The following CAMKK1 variants were observed in gnomAD, a reference collection of about 807,000 sequenced individuals.
CAMKK1 encodes calcium/calmodulin-dependent protein kinase kinase 1.
CAMKK1 carries 20 observed loss-of-function variants against 63.5 expected under a neutral mutation model. The observed-to-expected ratio is 0.32, with a 90% CI of 0.22 to 0.46. The LOEUF (loss-of-function observed/expected upper bound fraction) is 0.46. CAMKK1 is among the 20% of genes least tolerant of loss of function. The pLI, the probability that CAMKK1 is intolerant of heterozygous loss-of-function variation, is 1.00. For missense variants in CAMKK1, 588 were observed against 658.1 expected, an observed-to-expected ratio of 0.89 and a Z score of 1.17; for synonymous variants, 253 against 269.0, an observed-to-expected ratio of 0.94 and a Z score of 0.58.
chr17:3,882,912 C>T lies in CAMKK1; in HGVS notation c.648+130G>A. On this transcript the variant is annotated intron_variant, in intron 6 of 15. Coordinates refer to ENST00000348335, the MANE Select transcript of CAMKK1 (RefSeq NM_032294.3). This position sits in a 1 kb window ranked among gnomAD's most constrained non-coding sequence, Gnocchi z 4.3. Reference sequence around the variant, plus strand: ...AGCCCCACCCCAAGTCTGGCCCTGTCCTCAGAGGCCTCAGCCACATCTGCC... The same window carrying T: ...AGCCCCACCCCAAGTCTGGCCCTGTTCTCAGAGGCCTCAGCCACATCTGCC... The T allele has an allele frequency of 8.1e-7, 1 of 1,236,576 alleles. No individual in the cohort carries two copies. The highest frequency in any genetic ancestry group is 1.1e-6 in the Non-Finnish European group (1 of 888,696). The allele number at this position is 1,236,576 out of a possible 1,614,324, so 76.6% of individuals were successfully genotyped here.
chr17:3,871,676 G>A (rs1201945240), intron 12 of CAMKK1, among the ~76,000 whole-genome samples: 2 of 119,352 alleles, frequency 1.7e-5, no homozygotes, highest in Non-Finnish European at 3.5e-5. Context: ...TCTTTCTTCT[G>A]TTTTTTTTTT....
chr17:3,883,998 G>A lies in CAMKK1; in HGVS notation c.409-61C>T, dbSNP rs367983049. On this transcript the variant is annotated intron_variant, in intron 3 of 15. Coordinates refer to ENST00000348335, the MANE Select transcript of CAMKK1 (RefSeq NM_032294.3). The surrounding 1 kb of genome is among the most constrained non-coding windows in gnomAD (Gnocchi z 4.7). ...GGCAACCCCTCCCAGGACCAGCTCAGGAGGTGGGGAGCCGAGCAGCTCTGG... is the reference window on the plus strand; with the variant it reads ...GGCAACCCCTCCCAGGACCAGCTCAAGAGGTGGGGAGCCGAGCAGCTCTGG... 804 of 1,545,526 alleles carry A rather than the reference G, an allele frequency of 5.2e-4. No homozygotes were observed. Among genetic ancestry groups the A allele is most frequent in the Admixed American group, 8.9e-4 (53 of 59,430 alleles).
intron 10 of CAMKK1, among the ~76,000 whole-genome samples, chr17:3,875,385 G>A (rs1012569551): frequency 3.3e-5 from 5 of 152,016 alleles, no homozygotes; most frequent in African/African-American, 4.8e-5. Context: ...GGACTCAAGC[G>A]ATCCTCCCAC....
chr17:3,891,988 G>T (rs2143919620), intron 1 of CAMKK1, among the ~76,000 whole-genome samples: 1 of 152,244 alleles, frequency 6.6e-6, no homozygotes, highest in East Asian at 1.9e-4. Flanking sequence ...GAGTGTGTGC[G>T]CCTGGGACGC....
At chr17:3,871,600 C>T (rs1351697811) in intron 12 of CAMKK1, among the ~76,000 whole-genome samples, 3 of 149,436 alleles carry the variant, frequency 2.0e-5, no homozygotes, top group Non-Finnish European at 4.4e-5. Context: ...TCGTGATCCG[C>T]CCTCCTTGGC....
At chr17:3,874,179 G>T (rs1055568711) in intron 10 of CAMKK1, among the ~76,000 whole-genome samples, 1 of 152,136 alleles carries the variant, frequency 6.6e-6, no homozygotes, top group Admixed American at 6.6e-5. Flanking sequence ...ATAACAGGCT[G>T]GTTGTCTTCC....
In CAMKK1 at chr17:3,865,515, G is replaced by A. The variant is rs1438966464; in HGVS notation, c.1445+393C>T. ...AGCCTCCTACAGGAAGCCAACATCA[G>A]CCTGTCTGCAAACCTCTGCCAGGCT... On this transcript the variant is annotated intron_variant, in intron 15 of 15. Coordinates refer to ENST00000348335, the MANE Select transcript of CAMKK1 (RefSeq NM_032294.3). 5.8e-6 allele frequency: 6 copies of A among 1,026,290 alleles called. No individual in the cohort carries two copies. The South Asian group carries it at 2.0e-4, about 34-fold the overall frequency. The allele number at this position is 1,026,290 out of a possible 1,614,324, so 63.6% of individuals were successfully genotyped here.
Position 3,884,283 on chromosome 17 carries a change from C to A in CAMKK1, c.408+97G>T. The A allele has an allele frequency of 7.3e-7, 1 of 1,370,018 alleles. No homozygotes were observed. Among genetic ancestry groups the A allele is most frequent in the Non-Finnish European group, 1.0e-6 (1 of 964,492 alleles). 84.9% of individuals were successfully genotyped at this position (1,370,018 alleles called of 1,614,324 possible). A position where few individuals can be genotyped will look rare whatever the true frequency, so the allele number is the denominator to read the frequency against. On this transcript the variant is annotated intron_variant, in intron 3 of 15. Transcript: ENST00000348335. The surrounding 1 kb of genome is among the most constrained non-coding windows in gnomAD (Gnocchi z 4.5). ...GTCCTCACCTCCAGGCTAGGACTTG[C>A]CTGGCTCTGCCTCCCGTTCCCTCCC...
chr17:3,871,981 G>A (rs1010543325), intron 12 of CAMKK1, among the ~76,000 whole-genome samples: 2 of 152,190 alleles, frequency 1.3e-5, no homozygotes, highest in African/African-American at 4.8e-5. Flanking sequence ...CTGAAAAGAG[G>A]AGCCTGGGAG....
In CAMKK1 at chr17:3,885,319, C is replaced by T; in HGVS notation, c.360+9G>A. 6.3e-7 allele frequency: 1 copy of T among 1,576,134 alleles called. No homozygotes were observed. Among genetic ancestry groups the T allele is most frequent in the Non-Finnish European group, 8.6e-7 (1 of 1,158,294 alleles). ...GCTCATGAACAACCCCTCGTTCTGC[C>T]CCACCAACCTCTGCATCTGAGATGG... is the stretch of plus-strand genomic sequence containing the variant. On this transcript the variant is annotated intron_variant, in intron 2 of 15. Transcript: ENST00000348335.
In CAMKK1 at chr17:3,890,754, A is replaced by G. The variant is rs1323156890; in HGVS notation, c.-44+2185T>C. 1.3e-6 allele frequency: 1 copy of G among 779,766 alleles called. No individual in the cohort carries two copies. The highest frequency in any genetic ancestry group is 1.7e-5 in the African/African-American group (1 of 59,240). The allele number at this position is 779,766 out of a possible 1,614,324, so 48.3% of individuals were successfully genotyped here. Reference sequence around the variant, plus strand: ...ATACTCTGTTCTGCTGCCAGGCCTCAGTACAAGCTGTGCCTTCTGCCAGGA... The same window carrying G: ...ATACTCTGTTCTGCTGCCAGGCCTCGGTACAAGCTGTGCCTTCTGCCAGGA... On this transcript the variant is annotated intron_variant, in intron 1 of 15. Coordinates refer to ENST00000348335, the MANE Select transcript of CAMKK1 (RefSeq NM_032294.3). This position sits in a 1 kb window ranked among gnomAD's most constrained non-coding sequence, Gnocchi z 6.5.
At chr17:3,880,022 T>C in intron 9 of CAMKK1, 2 of 340,782 alleles carry the variant, frequency 5.9e-6, no homozygotes, top group South Asian at 7.2e-5. Context: ...ATAAATCCCT[T>C]CCTTCCCACA....
chr17:3,883,817 CCTG>C lies in CAMKK1; in HGVS notation c.462+64_462+66del, dbSNP rs904128595. ...TGTCCTCTATCTCCTAAGCACAACT[CCTG>C]CCCCACCCCTCAGGCTTCCAGGGCC... On this transcript the variant is annotated intron_variant, in intron 4 of 15. Transcript: ENST00000348335. This position sits in a 1 kb window ranked among gnomAD's most constrained non-coding sequence, Gnocchi z 4.7. 3.9e-6 allele frequency: 6 copies of C among 1,526,460 alleles called. No individual in the cohort carries two copies. Among genetic ancestry groups the C allele is most frequent in the Non-Finnish European group, 5.4e-6 (6 of 1,102,286 alleles). 94.6% of individuals were successfully genotyped at this position (1,526,460 alleles called of 1,614,324 possible). A position where few individuals can be genotyped will look rare whatever the true frequency, so the allele number is the denominator to read the frequency against.
intron 12 of CAMKK1, among the ~76,000 whole-genome samples, chr17:3,871,351 T>TTG (rs2054852875): frequency 2.6e-5 from 2 of 77,480 alleles, no homozygotes. Context: ...TTTTTTGTTT[T>TTG]TTTTTTTTTT....
chr17:3,880,509 C>G, intron 8 of CAMKK1, 75 bp from the exon 9 acceptor site: 1 of 1,155,692 alleles, frequency 8.7e-7, no homozygotes, highest in Non-Finnish European at 1.3e-6. Flanking sequence ...CGGGACGTCC[C>G]GGGAAACCTG....
intron 10 of CAMKK1, among the ~76,000 whole-genome samples, chr17:3,874,955 A>G (rs2055075677): frequency 6.6e-6 from 1 of 151,792 alleles, no homozygotes; most frequent in Non-Finnish European, 1.5e-5. Flanking sequence ...CCCCGTCTCT[A>G]CTAAAAAATA....
rs560953008 is a variant in CAMKK1, at chr17:3,883,269, G to A, written c.515-94C>T. 3.2e-5 allele frequency: 49 copies of A among 1,547,844 alleles called. No individual in the cohort carries two copies. The highest frequency in any genetic ancestry group is 2.3e-5 in the South Asian group (2 of 88,510). On this transcript the variant is annotated intron_variant, in intron 5 of 15. Transcript: ENST00000348335. The surrounding 1 kb of genome is among the most constrained non-coding windows in gnomAD (Gnocchi z 4.7). ...TCTCAAGCAAGAGTCTTGCATGCCC[G>A]TGGTCTTGTCCCAACCCACAGGGCA...
In CAMKK1 at chr17:3,873,439, G is replaced by A. The variant is rs780254503; in HGVS notation, c.1020C>T (p.Gly340=). Residue 340 remains glycine, a synonymous_variant, in exon 11 of 16, where the codon GGC becomes GGT. Coordinates refer to ENST00000348335, the MANE Select transcript of CAMKK1 (RefSeq NM_032294.3). ...SGKALDVWAT[G]VTLYCFVYGK... ...CATAGACAAAGCAGTACAACGTGAC[G>A]CCAGTGGCCCATACATCCAAGGCCT... The A allele has an allele frequency of 1.5e-5, 24 of 1,613,998 alleles. No homozygotes were observed. The highest frequency in any genetic ancestry group is 7.7e-5 in the South Asian group (7 of 91,082).
In CAMKK1 at chr17:3,872,558, C is replaced by T; in HGVS notation, c.1120G>A (p.Glu374Lys). ...KIKNEPVVFP[E>K]EPEISEELKD... is the part of the protein sequence containing the mutation. Reference sequence around the variant, plus strand: ...TCCCCTGGGTGGACAACTCACTCCTCAGGAAACACCACGGGCTCATTCTTG... The same window carrying T: ...TCCCCTGGGTGGACAACTCACTCCTTAGGAAACACCACGGGCTCATTCTTG... Residue 374 changes from glutamate (E) to lysine (K), a missense_variant, in exon 12 of 16, where the codon GAG becomes AAG. This residue lies in a region of CAMKK1 where 226 missense variants were observed against 229.2 expected (regional missense o/e 0.99). Coordinates refer to ENST00000348335, the MANE Select transcript of CAMKK1 (RefSeq NM_032294.3). 6.2e-7 allele frequency: 1 copy of T among 1,613,812 alleles called. No individual in the cohort carries two copies.
Sources: gnomAD v4.1 joint callset for allele counts (sites outside exome capture counted in the v4.1 genomes callset) on GRCh38, gnomAD v4.1.1 for gene constraint, gnomAD v4.1.1 regional missense constraint, Gnocchi (gnomAD v3.1) non-coding constraint, MANE v1.5 for transcripts, NCBI Gene and HGNC (gene_info 2026-07-23, HGNC 2026-07-21) for gene names.